Variants in AMTN observed in about 807,000 individuals in gnomAD.
AMTN encodes the protein RSTI689.
Under a neutral mutation model 27.4 loss-of-function variants are expected in AMTN, and 29 were observed. The ratio of observed to expected loss-of-function variants is 1.06; its 90% CI spans 0.79 to 1.44. The LOEUF is 1.44. AMTN is among the 40% of genes most tolerant of loss of function. The pLI, the probability that AMTN is intolerant of heterozygous loss-of-function variation, is 0.00. For synonymous variants in AMTN, 86 were observed against 95.7 expected (o/e 0.90, Z 0.59); for missense variants, 247 against 248.8 (o/e 0.99, Z 0.05).
In AMTN at chr4:70,531,191, C is replaced by T. The variant is rs1315254137; in HGVS notation, c.510C>T (p.Gly170=). The part of the protein sequence containing the change: ...VNPATQGTPA[G]RLPTPSGTDD... The stretch of plus-strand genomic sequence containing the variant: ...CTGCCACCCAGGGAACCCCAGCAGG[C>T]CGCCTCCCAACTCCCAGTGGCACAG... Residue 170 remains glycine, a synonymous_variant, in exon 8 of 9, where the codon GGC becomes GGT. Transcript: ENST00000339336. 3.1e-5 allele frequency: 50 copies of T among 1,613,872 alleles called. No individual in the cohort carries two copies. Among genetic ancestry groups the T allele is most frequent in the Non-Finnish European group, 4.2e-5 (50 of 1,179,984 alleles).
At chr4:70,519,223 G>A (rs1351894189) in intron 2 of AMTN, among the ~76,000 whole-genome samples, 3 of 152,136 alleles carry the variant, frequency 2.0e-5, no homozygotes, top group Non-Finnish European at 4.4e-5. Flanking sequence ...ACTTGGAAAT[G>A]CTAAATATCT....
At chr4:70,518,957 G>C (rs1735883148) in intron 2 of AMTN, 126 bp downstream of exon 2, 1 of 775,172 alleles carries the variant, frequency 1.3e-6, no homozygotes, top group Non-Finnish European at 2.2e-6. Flanking sequence ...AGAGTGTCCA[G>C]TGTTTATTTT....
In AMTN at chr4:70,521,635, C is replaced by CCT. The variant is rs1560572099; in HGVS notation, c.55-1115_55-1114dup. Among the ~76,000 whole-genome samples, 4 of 94,566 alleles carry CCT rather than the reference C, an allele frequency of 4.2e-5. 1 individual carries two copies. The highest frequency in any genetic ancestry group is 1.7e-4 in the African/African-American group (4 of 23,828). The allele number at this position is 94,566 out of a possible 152,430, so 62.0% of individuals were successfully genotyped here. ...GACCTCCTAGAACAGATAATACCAACCTCTCTTTTTTTTTTTTTTTTTTTT... is the reference window on the plus strand; with the variant it reads ...GACCTCCTAGAACAGATAATACCAACCTCTCTCTTTTTTTTTTTTTTTTTTTT... On this transcript the variant is annotated intron_variant, in intron 2 of 8. Transcript: ENST00000339336.
At chr4:70,524,342 T>C (rs1736047897) in intron 4 of AMTN, among the ~76,000 whole-genome samples, 2 of 152,216 alleles carry the variant, frequency 1.3e-5, no homozygotes. Context: ...AATATCTGTA[T>C]AGATCTTCAG....
intron 5 of AMTN, among the ~76,000 whole-genome samples, chr4:70,527,300 T>C (rs910600696): frequency 1.3e-5 from 2 of 152,272 alleles, no homozygotes; most frequent in Admixed American, 6.5e-5. Flanking sequence ...TTTATTGTTA[T>C]ATTGGTGAAC....
intron 2 of AMTN, among the ~76,000 whole-genome samples, chr4:70,522,212 A>G (rs1418777051): frequency 6.6e-6 from 1 of 152,166 alleles, no homozygotes; most frequent in Non-Finnish European, 1.5e-5. Flanking sequence ...AAAAAATAAT[A>G]CAACTAGACC....
chr4:70,524,181 C>T (rs921408045), intron 4 of AMTN, among the ~76,000 whole-genome samples: 1 of 152,102 alleles, frequency 6.6e-6, no homozygotes, highest in African/African-American at 2.4e-5. Context: ...GTTTCTCTAA[C>T]CTCTTCTCCT....
chr4:70,523,877 T>G lies in AMTN; in HGVS notation c.148T>G (p.Ser50Ala). 6.2e-7 allele frequency: 1 copy of G among 1,613,676 alleles called. No individual in the cohort carries two copies. Among genetic ancestry groups the G allele is most frequent in the Non-Finnish European group, 8.5e-7 (1 of 1,179,682 alleles). ...TTTCAATCCCCTGCAGGTCTTTCCT[T>G]CTTTAAGTCTGATACCATTAACACA... ...NQQQSNQVFP[S>A]LSLIPLTQML... The change falls in exon 4 of 9, where the codon TCT becomes GCT. Residue 50 changes from serine (S) to alanine (A), a missense_variant. By Grantham distance (99) the Ser-to-Ala change is moderately conservative. Transcript: ENST00000339336.
At chr4:70,531,381 C>T in intron 8 of AMTN, 81 bp downstream of exon 8, 1 of 1,554,672 alleles carries the variant, frequency 6.4e-7, no homozygotes, top group South Asian at 1.2e-5. Context: ...TTTGTCTTGC[C>T]TTGACAAATG....
chr4:70,528,022 A>G (rs572356671), intron 5 of AMTN, among the ~76,000 whole-genome samples: 2 of 152,306 alleles, frequency 1.3e-5, no homozygotes, highest in Non-Finnish European at 2.9e-5. Context: ...ACCTCAAGAA[A>G]TCTTCACATT....
intron 7 of AMTN, among the ~76,000 whole-genome samples, chr4:70,530,452 C>T (rs1461144271): frequency 6.6e-6 from 1 of 152,166 alleles, no homozygotes; most frequent in African/African-American, 2.4e-5. Flanking sequence ...AAATGTAACA[C>T]AGTGTTTCCC....
chr4:70,524,977 G>C lies in AMTN; in HGVS notation c.294+16G>C. On this transcript the variant is annotated intron_variant, in intron 5 of 8. Coordinates refer to ENST00000339336, the MANE Select transcript of AMTN (RefSeq NM_212557.4). Reference sequence around the variant, plus strand: ...GCACCCACATGTAAGTTGAACAGCTGGACCTTAGTTTTAACATTAGAGAGC... The same window carrying C: ...GCACCCACATGTAAGTTGAACAGCTCGACCTTAGTTTTAACATTAGAGAGC... 6.2e-7 allele frequency: 1 copy of C among 1,609,252 alleles called. No individual in the cohort carries two copies. Among genetic ancestry groups the C allele is most frequent in the Non-Finnish European group, 8.5e-7 (1 of 1,176,294 alleles).
At chr4:70,525,276 C>G (rs896895810) in intron 5 of AMTN, among the ~76,000 whole-genome samples, 2 of 152,108 alleles carry the variant, frequency 1.3e-5, no homozygotes, top group Admixed American at 6.5e-5. Flanking sequence ...CAGGATTTTT[C>G]TCTAGCATAT....
chr4:70,518,648 C>A lies in AMTN; in HGVS notation c.-22C>A. The A allele has an allele frequency of 1.3e-6, 1 of 745,016 alleles. No homozygotes were observed. Among genetic ancestry groups the A allele is most frequent in the Non-Finnish European group, 2.3e-6 (1 of 443,006 alleles). 46.2% of individuals were successfully genotyped at this position (745,016 alleles called of 1,614,324 possible). A position where few individuals can be genotyped will look rare whatever the true frequency, so the allele number is the denominator to read the frequency against. On this transcript the variant is annotated 5_prime_UTR_variant, in exon 1 of 9. Transcript: ENST00000339336. ...AGTATTGTACATTTTGCCTCGTGGA[C>A]CCAAAGGTAACATTAATTGACCATG...
At chr4:70,528,650 C>CA in intron 5 of AMTN, 73 bp from the exon 6 acceptor site, 8 of 1,383,322 alleles carry the variant, frequency 5.8e-6, no homozygotes, top group Admixed American at 1.8e-5. Flanking sequence ...ACTCCATCTC[C>CA]AAAAAAAGAT....
Position 70,528,712 on chromosome 4 carries a change from C to T in AMTN, c.295-11C>T, listed in dbSNP as rs766209445. ...CTTACTTTTGAAAGAGTTTTTCTCTCATTTTTTCAGGTGTTACCAATTTTT... is the reference window on the plus strand; with the variant it reads ...CTTACTTTTGAAAGAGTTTTTCTCTTATTTTTTCAGGTGTTACCAATTTTT... On this transcript the variant is annotated splice_polypyrimidine_tract_variant and intron_variant, in intron 5 of 8. Transcript: ENST00000339336. The T allele has an allele frequency of 6.2e-7, 1 of 1,607,044 alleles. No individual in the cohort carries two copies. Among genetic ancestry groups the T allele is most frequent in the Middle Eastern group, 1.7e-4 (1 of 5,856 alleles).
At chr4:70,530,221 GCACACACA>G (rs3223259) in intron 7 of AMTN, among the ~76,000 whole-genome samples, 69 of 150,312 alleles carry the variant, frequency 4.6e-4, no homozygotes, top group African/African-American at 1.6e-3. Flanking sequence ...ATGCAGCTTA[GCACACACA>G]CACACACACA....
chr4:70,530,777 T>C (rs1480087894), intron 7 of AMTN, among the ~76,000 whole-genome samples: 1 of 152,186 alleles, frequency 6.6e-6, no homozygotes, highest in Non-Finnish European at 1.5e-5. Flanking sequence ...AAAAATGTTA[T>C]GAGCAAAAGA....
chr4:70,530,937 C>T, intron 7 of AMTN, 102 bp from the exon 8 acceptor site: 1 of 1,462,098 alleles, frequency 6.8e-7, no homozygotes, highest in Non-Finnish European at 9.2e-7. Flanking sequence ...TCTGACTTTA[C>T]TCTCTCCATC....
Sources: allele counts gnomAD v4.1 joint callset (sites outside exome capture counted in the v4.1 genomes callset), GRCh38; gene constraint gnomAD v4.1.1; transcripts MANE v1.5; gene names NCBI Gene and HGNC (gene_info 2026-07-23, HGNC 2026-07-21).